The following TCF7L1 variants were observed in gnomAD, a reference collection of about 807,000 sequenced individuals.
The protein encoded by TCF7L1 is transcription factor 7-like 1.
Under a neutral mutation model 63.7 loss-of-function variants are expected in TCF7L1, and 18 were observed. That is an observed-to-expected ratio of 0.28 (90% CI 0.20 to 0.42). TCF7L1 has a LOEUF of 0.42. Ranked by LOEUF, TCF7L1 falls within the 10% of genes least tolerant of loss-of-function variation. The pLI is 1.00. For synonymous variants in TCF7L1, 355 were observed against 340.9 expected (o/e 1.04, Z -0.46); for missense variants, 654 against 779.3 (o/e 0.84, Z 1.91).
chr2:85,309,558 C>A lies in TCF7L1; in HGVS notation c.*96C>A. 2 of 1,313,430 alleles carry A rather than the reference C, an allele frequency of 1.5e-6. No individual in the cohort carries two copies. The highest frequency in any genetic ancestry group is 2.5e-5 in the East Asian group (1 of 40,444). The allele number at this position is 1,313,430 out of a possible 1,614,324, so 81.4% of individuals were successfully genotyped here. A position where few individuals can be genotyped will look rare whatever the true frequency, so the allele number is the denominator to read the frequency against. ...GAGACTTTATTGGTCAATATTTGAC[C>A]ACTCTGGACTGTTCTGTAAAGTGGC... On this transcript the variant is annotated 3_prime_UTR_variant, in exon 12 of 12. Coordinates refer to ENST00000282111, the MANE Select transcript of TCF7L1 (RefSeq NM_031283.3).
At chr2:85,253,860 G>A (rs916599946) in intron 3 of TCF7L1, among the ~76,000 whole-genome samples, 2 of 152,250 alleles carry the variant, frequency 1.3e-5, no homozygotes, top group Non-Finnish European at 2.9e-5. Context: ...ATTAACTTTA[G>A]ATCAAGGTAA....
chr2:85,309,395 A>G lies in TCF7L1; in HGVS notation c.1700A>G (p.His567Arg), dbSNP rs1682221248. ...ASPPSFPATL[H>R]AHQALPVLQA... ...CCCCCGTCCTTCCCCGCCACGCTCC[A>G]TGCCCACCAGGCCCTCCCGGTGCTA... The change falls in exon 12 of 12, where the codon CAT (histidine) becomes CGT (arginine). Residue 567 changes from histidine to arginine, a missense_variant. Around this residue, in one of 3 missense-constraint regions of TCF7L1, gnomAD observed 184 missense variants for 204.0 expected, o/e 0.90. Transcript: ENST00000282111. The G allele has an allele frequency of 6.3e-7, 1 of 1,592,762 alleles. No individual in the cohort carries two copies. Among genetic ancestry groups the G allele is most frequent in the East Asian group, 2.2e-5 (1 of 44,654 alleles).
At chr2:85,172,568 A>G (rs532564378) in intron 3 of TCF7L1, among the ~76,000 whole-genome samples, 1 of 152,276 alleles carries the variant, frequency 6.6e-6, no homozygotes, top group South Asian at 2.1e-4. Context: ...CTGGGATTAT[A>G]GGCAGGTGCC....
At chr2:85,308,608 T>C (rs1254324902) in intron 11 of TCF7L1, among the ~76,000 whole-genome samples, 2 of 146,810 alleles carry the variant, frequency 1.4e-5, no homozygotes, top group Non-Finnish European at 3.0e-5. Flanking sequence ...CCATTATACA[T>C]AGGAGCGCAC....
intron 4 of TCF7L1, among the ~76,000 whole-genome samples, chr2:85,283,783 T>C (rs1161235112): frequency 6.6e-6 from 1 of 152,206 alleles, no homozygotes; most frequent in African/African-American, 2.4e-5. Context: ...AGATGTTTTG[T>C]AATTGGAATA....
At chr2:85,266,330 A>C (rs1453612640) in intron 3 of TCF7L1, among the ~76,000 whole-genome samples, 1 of 152,260 alleles carries the variant, frequency 6.6e-6, no homozygotes, top group Non-Finnish European at 1.5e-5. Flanking sequence ...AGGATTTACT[A>C]ATTTACTTTC....
At position 85,134,758 on chromosome 2, in the gene TCF7L1, G is replaced by T. The variant is rs866570270; in HGVS notation, c.441+308G>T. On this transcript the variant is annotated intron_variant, in intron 3 of 11. Coordinates refer to ENST00000282111, the MANE Select transcript of TCF7L1 (RefSeq NM_031283.3). The surrounding 1 kb of genome is among the most constrained non-coding windows in gnomAD (Gnocchi z 5.0). ...GAAACTTGGATTTGTGCCCGCTTTG[G>T]GGGGGTCTCGCTTTCCTTCTTGGAA... 6.6e-6 allele frequency among the ~76,000 whole-genome samples: 1 copy of T among 152,180 alleles called. No homozygotes were observed. Among genetic ancestry groups the T allele is most frequent in the Non-Finnish European group, 1.5e-5 (1 of 68,038 alleles).
At chr2:85,290,881 C>T (rs757996949) in intron 4 of TCF7L1, among the ~76,000 whole-genome samples, 25 of 152,346 alleles carry the variant, frequency 1.6e-4, no homozygotes, top group Middle Eastern at 6.8e-3. Context: ...ATTCTCTGTC[C>T]TTCCAGCCCA....
chr2:85,162,246 T>A (rs988372413), intron 3 of TCF7L1, among the ~76,000 whole-genome samples: 3 of 151,890 alleles, frequency 2.0e-5, no homozygotes, highest in Non-Finnish European at 2.9e-5. Context: ...TCAAAAAAAA[T>A]AAATAAATAA....
intron 3 of TCF7L1, among the ~76,000 whole-genome samples, chr2:85,252,019 G>A (rs1680601255): frequency 6.6e-6 from 1 of 152,190 alleles, no homozygotes; most frequent in Non-Finnish European, 1.5e-5. Context: ...AGACTTCAGT[G>A]AGCTGTGATT....
At chr2:85,269,411 T>C (rs970837065) in intron 3 of TCF7L1, among the ~76,000 whole-genome samples, 2 of 152,240 alleles carry the variant, frequency 1.3e-5, no homozygotes, top group Non-Finnish European at 2.9e-5. Flanking sequence ...CGTATATACA[T>C]GTGTATACAC....
intron 3 of TCF7L1, among the ~76,000 whole-genome samples, chr2:85,147,391 C>T (rs879885965): frequency 3.9e-5 from 6 of 152,178 alleles, no homozygotes; most frequent in Non-Finnish European, 7.3e-5. Flanking sequence ...TCCCACCTGT[C>T]ACTCTTTCCC....
At chr2:85,246,666 G>A (rs1680471139) in intron 3 of TCF7L1, among the ~76,000 whole-genome samples, 1 of 152,230 alleles carries the variant, frequency 6.6e-6, no homozygotes, top group African/African-American at 2.4e-5. Flanking sequence ...TCTGACAAGT[G>A]TACTCATGGA....
intron 3 of TCF7L1, among the ~76,000 whole-genome samples, chr2:85,200,966 C>T (rs1249846040): frequency 2.0e-5 from 3 of 152,034 alleles, no homozygotes; most frequent in Admixed American, 6.6e-5. Flanking sequence ...TTTGGGAGGC[C>T]GAGGTGGGTG....
intron 3 of TCF7L1, among the ~76,000 whole-genome samples, chr2:85,249,100 G>A (rs1456318126): frequency 6.6e-6 from 1 of 152,202 alleles, no homozygotes; most frequent in Non-Finnish European, 1.5e-5. Flanking sequence ...TCTGTTGGCA[G>A]ACTATGACTG....
intron 3 of TCF7L1, among the ~76,000 whole-genome samples, chr2:85,273,261 C>T (rs1681195049): frequency 6.6e-6 from 1 of 152,226 alleles, no homozygotes; most frequent in African/African-American, 2.4e-5. Context: ...ACAGGCTGTG[C>T]CAGCTGCAAG....
intron 3 of TCF7L1, among the ~76,000 whole-genome samples, chr2:85,201,075 G>A (rs988978274): frequency 1.3e-5 from 2 of 152,112 alleles, no homozygotes; most frequent in African/African-American, 2.4e-5. Flanking sequence ...AGTGGTGTGC[G>A]CCTGTAATTC....
chr2:85,293,450 G>C (rs1463919853), intron 4 of TCF7L1, among the ~76,000 whole-genome samples: 1 of 152,156 alleles, frequency 6.6e-6, no homozygotes, highest in Admixed American at 6.5e-5. Flanking sequence ...ATGATTAAAA[G>C]TTTCCTGAGG....
At chr2:85,267,372 G>A (rs992685864) in intron 3 of TCF7L1, among the ~76,000 whole-genome samples, 13 of 143,526 alleles carry the variant, frequency 9.1e-5, no homozygotes, top group African/African-American at 3.4e-4. Context: ...CTTTGGGGCT[G>A]GGCATGGTGG....
Sources: gnomAD v4.1 joint callset for allele counts (sites outside exome capture counted in the v4.1 genomes callset) on GRCh38, gnomAD v4.1.1 for gene constraint, gnomAD v4.1.1 regional missense constraint, Gnocchi (gnomAD v3.1) non-coding constraint, MANE v1.5 for transcripts, NCBI Gene and HGNC (gene_info 2026-07-23, HGNC 2026-07-21) for gene names.